The following CCL28 variants were observed in gnomAD, a reference collection of about 807,000 sequenced individuals.
CCL28 encodes the protein C-C motif chemokine ligand 28.
CCL28 carries 4 observed loss-of-function variants against 7.1 expected under a neutral mutation model. That is an observed-to-expected ratio of 0.56 (90% CI 0.28 to 1.29). CCL28 has a LOEUF of 1.29. CCL28 is among the 50% of genes most tolerant of loss of function. CCL28 has a pLI of 0.11. For missense variants in CCL28, 151 were observed against 163.4 expected (o/e 0.92, Z 0.41); for synonymous variants, 55 against 57.8 (o/e 0.95, Z 0.22).
intron 1 of CCL28, among the ~76,000 whole-genome samples, chr5:43,407,825 G>A (rs1379035197): frequency 3.8e-5 from 3 of 79,368 alleles, no homozygotes; most frequent in African/African-American, 2.1e-4. Flanking sequence ...CAAAAAGTGG[G>A]TGAAGGATAT....
At chr5:43,374,397 G>T (rs1739841918), downstream of CCL28, among the ~76,000 whole-genome samples, 1 of 152,194 alleles carries the variant, frequency 6.6e-6, no homozygotes, top group African/African-American at 2.4e-5. Context: ...TTTTATCATT[G>T]TAAAAACAGT....
intron 1 of CCL28, among the ~76,000 whole-genome samples, chr5:43,403,916 A>G (rs904390822): frequency 3.3e-5 from 5 of 152,212 alleles, no homozygotes; most frequent in Admixed American, 2.6e-4. Context: ...ATGGTGATGG[A>G]AGATGAAATG....
At chr5:43,377,717 C>CTTTTTTTTTAT (rs1739938149), downstream of CCL28, among the ~76,000 whole-genome samples, 7 of 42,708 alleles carry the variant, frequency 1.6e-4, no homozygotes, top group Non-Finnish European at 2.7e-4. Flanking sequence ...AGAACTTAAA[C>CTTTTTTTTTAT]TTTTTTTTTT....
In CCL28 at chr5:43,388,333, G is replaced by A. The variant is rs377425114; in HGVS notation, c.191+17C>T. On this transcript the variant is annotated intron_variant, in intron 2 of 2. Coordinates refer to ENST00000361115, the MANE Select transcript of CCL28 (RefSeq NM_148672.3). ...ATCACTGTGCAGGTTTAGACCTCCC[G>A]GCTGATGAGCACTCACATGACAGCA... 75 of 1,613,634 alleles carry A rather than the reference G, an allele frequency of 4.6e-5. No homozygotes were observed. Among genetic ancestry groups the A allele is most frequent in the Non-Finnish European group, 5.3e-5 (62 of 1,179,890 alleles).
At chr5:43,382,966 G>C (rs1258725133) in intron 2 of CCL28, among the ~76,000 whole-genome samples, 1 of 151,856 alleles carries the variant, frequency 6.6e-6, no homozygotes, top group African/African-American at 2.4e-5. Flanking sequence ...TTACAGGTGT[G>C]CACCACCACA....
At chr5:43,368,374 G>A in the CCL28 span, among the ~76,000 whole-genome samples, 1 of 152,118 alleles carries the variant, frequency 6.6e-6, no homozygotes, top group African/African-American at 2.4e-5. Context: ...AGTTTTGGCT[G>A]GCAGGTGGCC....
chr5:43,388,619 A>C, intron 1 of CCL28, 143 bp from the exon 2 acceptor site: 1 of 735,896 alleles, frequency 1.4e-6, no homozygotes. Context: ...GACTTGGGGC[A>C]GGACATGTTC....
chr5:43,388,464 A>G lies in CCL28; in HGVS notation c.77T>C (p.Ile26Thr), dbSNP rs758022631. Residue 26 changes from isoleucine (I) to threonine (T), a missense_variant, in exon 2 of 3, where the codon ATT (isoleucine) becomes ACT (threonine). Transcript: ENST00000361115. ...ALHASEAILP[I>T]ASSCCTEVSH... ...AACCTCCGTGCAACAGCTGGAGGCA[A>G]TGGGAAGTATGGCTAAAAGAAGAAA... The G allele has an allele frequency of 1.8e-5, 29 of 1,613,724 alleles. No individual in the cohort carries two copies. The highest frequency in any genetic ancestry group is 3.3e-5 in the Admixed American group (2 of 59,978).
intron 1 of CCL28, among the ~76,000 whole-genome samples, chr5:43,411,325 G>A (rs1741529512): frequency 6.6e-6 from 1 of 152,190 alleles, no homozygotes; most frequent in African/African-American, 2.4e-5. Flanking sequence ...ATTAAGTACT[G>A]ACACTTAGGG....
chr5:43,371,604 G>C, the CCL28 span, among the ~76,000 whole-genome samples: 1 of 152,344 alleles, frequency 6.6e-6, no homozygotes, highest in Non-Finnish European at 1.5e-5. Flanking sequence ...TGAGCCATCT[G>C]AGAGGGGAAT....
the CCL28 span, among the ~76,000 whole-genome samples, chr5:43,365,457 AAT>A: frequency 6.6e-6 from 1 of 152,182 alleles, no homozygotes; most frequent in Non-Finnish European, 1.5e-5. Flanking sequence ...GTTTCTTCAT[AAT>A]GTCGATGGTC....
At chr5:43,364,754 T>C in the CCL28 span, among the ~76,000 whole-genome samples, 4 of 152,178 alleles carry the variant, frequency 2.6e-5, no homozygotes, top group Admixed American at 2.0e-4. Context: ...ATTGGGTGCA[T>C]ATATATTTAG....
chr5:43,409,733 C>T (rs1301031778), intron 1 of CCL28, among the ~76,000 whole-genome samples: 1 of 152,142 alleles, frequency 6.6e-6, no homozygotes, highest in Non-Finnish European at 1.5e-5. Flanking sequence ...AACCTCCTAA[C>T]TTGAATCTGC....
chr5:43,376,308 C>T (rs1254525040), downstream of CCL28, among the ~76,000 whole-genome samples: 3 of 152,054 alleles, frequency 2.0e-5, no homozygotes, highest in African/African-American at 7.3e-5. Flanking sequence ...TATACCCCTC[C>T]CCAGGGGACA....
At chr5:43,383,542 GAGAATAAT>G (rs1289603488) in intron 2 of CCL28, among the ~76,000 whole-genome samples, 2 of 152,086 alleles carry the variant, frequency 1.3e-5, no homozygotes, top group East Asian at 3.9e-4. Flanking sequence ...ATCTTAATAA[GAGAATAAT>G]ATATTCCCTA....
intron 1 of CCL28, among the ~76,000 whole-genome samples, chr5:43,405,202 C>A (rs368235284): frequency 6.6e-6 from 1 of 152,208 alleles, no homozygotes; most frequent in Non-Finnish European, 1.5e-5. Context: ...ACAGAATATA[C>A]GTTCTTCTTA....
intron 1 of CCL28, among the ~76,000 whole-genome samples, chr5:43,412,021 C>T (rs969652970): frequency 5.3e-5 from 8 of 152,188 alleles, no homozygotes; most frequent in Non-Finnish European, 1.0e-4. Context: ...AGGACCTCAT[C>T]CTCCAGGTGG....
chr5:43,374,266 A>G (rs1278003778), downstream of CCL28, among the ~76,000 whole-genome samples: 2 of 152,240 alleles, frequency 1.3e-5, no homozygotes, highest in Admixed American at 1.3e-4. Flanking sequence ...AATGGCAAGT[A>G]TAGAGGCTGC....
rs1485308382 is a variant in CCL28, at chr5:43,379,485, T to G, written c.*2375A>C. The G allele has an allele frequency of 6.6e-6, 1 of 152,162 alleles. No homozygotes were observed. Among genetic ancestry groups the G allele is most frequent in the Non-Finnish European group, 1.5e-5 (1 of 68,022 alleles). 9.4% of individuals were successfully genotyped at this position (152,162 alleles called of 1,614,324 possible). A position where few individuals can be genotyped will look rare whatever the true frequency, so the allele number is the denominator to read the frequency against. Reference sequence around the variant, plus strand: ...TAAGAGCCTCAAATTTCCTCATCTATAAAGTGGAAATATAAATACAAAGCT... The same window carrying G: ...TAAGAGCCTCAAATTTCCTCATCTAGAAAGTGGAAATATAAATACAAAGCT... On this transcript the variant is annotated 3_prime_UTR_variant, in exon 3 of 3. Coordinates refer to ENST00000361115, the MANE Select transcript of CCL28 (RefSeq NM_148672.3).
Sources: allele counts gnomAD v4.1 joint callset (sites outside exome capture counted in the v4.1 genomes callset), GRCh38; gene constraint gnomAD v4.1.1; transcripts MANE v1.5; gene names NCBI Gene and HGNC (gene_info 2026-07-23, HGNC 2026-07-21).